The following KHDRBS2 variants were observed in gnomAD, a reference collection of about 807,000 sequenced individuals.
KHDRBS2 encodes the protein KH domain-containing, RNA-binding, signal transduction-associated protein 2.
A neutral mutation model predicts 44.3 loss-of-function variants in KHDRBS2; 26 were observed. The observed-to-expected ratio is 0.59, with a 90% confidence interval of 0.43 to 0.81. The LOEUF (loss-of-function observed/expected upper bound fraction) is 0.81. KHDRBS2 is among the 40% of genes least tolerant of loss of function. The probability of loss-of-function intolerance (pLI) is 0.00; values close to 1 mark genes in which losing one functional copy is unlikely to be tolerated. For synonymous variants in KHDRBS2, 194 were observed against 151.1 expected (o/e 1.28, Z -2.08); for missense variants, 476 against 433.1 (o/e 1.10, Z -0.88).
intron 2 of KHDRBS2, among the ~76,000 whole-genome samples, chr6:62,116,470 C>A (rs1806254799): frequency 6.6e-6 from 1 of 151,848 alleles, no homozygotes; most frequent in African/African-American, 2.4e-5. Context: ...AATGTTTTGT[C>A]AATTTGTAAC....
At chr6:62,174,328 A>G (rs1428590668) in intron 2 of KHDRBS2, among the ~76,000 whole-genome samples, 1 of 151,662 alleles carries the variant, frequency 6.6e-6, no homozygotes, top group Admixed American at 6.6e-5. Context: ...AAAAAACTAG[A>G]AATACAGTTA....
chr6:61,610,986 T>G, the KHDRBS2 span, among the ~76,000 whole-genome samples: 1 of 152,194 alleles, frequency 6.6e-6, no homozygotes, highest in Non-Finnish European at 1.5e-5. Flanking sequence ...ATCTTTCTGA[T>G]GGAGAAAATG....
chr6:62,063,689 A>T (rs1244293549), intron 2 of KHDRBS2, among the ~76,000 whole-genome samples: 1 of 140,594 alleles, frequency 7.1e-6, no homozygotes, highest in African/African-American at 2.7e-5. Context: ...AATGGGCAAA[A>T]ACTGGAAGCA....
At chr6:61,818,712 G>T (rs1789385772) in intron 6 of KHDRBS2, among the ~76,000 whole-genome samples, 1 of 151,872 alleles carries the variant, frequency 6.6e-6, no homozygotes, top group Non-Finnish European at 1.5e-5. Context: ...ATTTCCTGTA[G>T]GTTTGGTTAC....
At chr6:62,027,615 C>T (rs1044179304) in intron 3 of KHDRBS2, among the ~76,000 whole-genome samples, 15 of 152,034 alleles carry the variant, frequency 9.9e-5, no homozygotes, top group African/African-American at 3.6e-4. Context: ...ACTCCCCTAA[C>T]CTCCTAGGAG....
At chr6:62,105,840 T>C (rs1281960326) in intron 2 of KHDRBS2, among the ~76,000 whole-genome samples, 2 of 152,182 alleles carry the variant, frequency 1.3e-5, no homozygotes, top group Non-Finnish European at 2.9e-5. Flanking sequence ...TGTTTGCTCT[T>C]GCTTTTCGAG....
chr6:62,274,594 A>G (rs1463590816), intron 1 of KHDRBS2, among the ~76,000 whole-genome samples: 2 of 152,158 alleles, frequency 1.3e-5, no homozygotes, highest in African/African-American at 4.8e-5. Context: ...TACCACATCC[A>G]TGTATAATTC....
chr6:62,233,658 T>A (rs542632502), intron 1 of KHDRBS2, among the ~76,000 whole-genome samples: 4 of 152,006 alleles, frequency 2.6e-5, no homozygotes, highest in Non-Finnish European at 4.4e-5. Flanking sequence ...ACCCTCTGAT[T>A]GACCCAGTGT....
intron 2 of KHDRBS2, among the ~76,000 whole-genome samples, chr6:62,122,714 C>CTATGTAACAACGTGCAGTT (rs749271376): frequency 1.3e-4 from 20 of 150,196 alleles, no homozygotes; most frequent in African/African-American, 2.5e-4. Context: ...AAGACACCAC[C>CTATGTAACAACGTGCAGTT]TGAAAGTGGA....
intron 3 of KHDRBS2, among the ~76,000 whole-genome samples, chr6:61,979,706 T>A (rs1041275850): frequency 2.0e-5 from 3 of 152,136 alleles, no homozygotes; most frequent in Non-Finnish European, 4.4e-5. Flanking sequence ...CTTTTCTTAG[T>A]GCCCAATTAT....
chr6:61,815,544 T>C (rs1037328931), intron 6 of KHDRBS2, among the ~76,000 whole-genome samples: 5 of 152,134 alleles, frequency 3.3e-5, no homozygotes, highest in Admixed American at 2.6e-4. Flanking sequence ...CTGGTGACTT[T>C]GCATTTACAA....
At chr6:62,222,416 G>A (rs985963818) in intron 1 of KHDRBS2, among the ~76,000 whole-genome samples, 8 of 152,030 alleles carry the variant, frequency 5.3e-5, no homozygotes, top group Non-Finnish European at 1.0e-4. Flanking sequence ...CTTCTTACAT[G>A]GCAGTGGCAA....
At chr6:62,104,255 T>G (rs773612128) in intron 2 of KHDRBS2, among the ~76,000 whole-genome samples, 4 of 152,166 alleles carry the variant, frequency 2.6e-5, no homozygotes, top group Non-Finnish European at 5.9e-5. Context: ...CCTAGAACAT[T>G]TACACAAACT....
chr6:61,665,326 A>C, the KHDRBS2 span, among the ~76,000 whole-genome samples: 1 of 151,478 alleles, frequency 6.6e-6, no homozygotes. Flanking sequence ...GAAATATTTA[A>C]GTGTTTTACT....
intron 6 of KHDRBS2, among the ~76,000 whole-genome samples, chr6:61,775,585 G>A (rs1781821408): frequency 6.6e-6 from 1 of 152,120 alleles, no homozygotes; most frequent in African/African-American, 2.4e-5. Context: ...CAACTTACAA[G>A]GGACGTGAAG....
intron 2 of KHDRBS2, among the ~76,000 whole-genome samples, chr6:62,151,540 A>G (rs892909375): frequency 6.6e-6 from 1 of 152,086 alleles, no homozygotes; most frequent in African/African-American, 2.4e-5. Flanking sequence ...ACCCAAAAAA[A>G]CCCCACCACA....
At chr6:62,112,796 C>T (rs569801901) in intron 2 of KHDRBS2, among the ~76,000 whole-genome samples, 3 of 151,998 alleles carry the variant, frequency 2.0e-5, no homozygotes, top group African/African-American at 4.8e-5. Context: ...CAAAATGGTG[C>T]GATATAATAT....
rs555425024 is a variant in KHDRBS2, at chr6:61,836,527, T to C, written c.810+58108A>G. Among the ~76,000 whole-genome samples, 4 of 152,150 alleles carry C rather than the reference T, an allele frequency of 2.6e-5. No homozygotes were observed. In the East Asian group the frequency reaches 7.7e-4, roughly 29 times the overall value. On this transcript the variant is annotated intron_variant, in intron 6 of 8. Coordinates refer to ENST00000281156, the MANE Select transcript of KHDRBS2 (RefSeq NM_152688.4). Reference sequence around the variant, plus strand: ...TTAGGTGGGACACATTTTTAATGCTTCCAATAAATAAGAAAAATGTGCCTG... The same window carrying C: ...TTAGGTGGGACACATTTTTAATGCTCCCAATAAATAAGAAAAATGTGCCTG...
chr6:61,868,407 A>T (rs1425517728), intron 6 of KHDRBS2, among the ~76,000 whole-genome samples: 1 of 152,098 alleles, frequency 6.6e-6, no homozygotes, highest in African/African-American at 2.4e-5. Context: ...CGGTGGCTGT[A>T]GGCTCCAGTT....
Sources: gnomAD v4.1 joint callset for allele counts (sites outside exome capture counted in the v4.1 genomes callset) on GRCh38, gnomAD v4.1.1 for gene constraint, MANE v1.5 for transcripts, NCBI Gene and HGNC (gene_info 2026-07-23, HGNC 2026-07-21) for gene names.